EXOC5: variants seen among roughly 807,000 people sequenced by gnomAD.
EXOC5 encodes exocyst complex component 5.
EXOC5 carries 17 observed loss-of-function variants against 90.8 expected under a neutral mutation model. The ratio of observed to expected loss-of-function variants is 0.19; its 90% CI spans 0.13 to 0.28. The LOEUF (loss-of-function observed/expected upper bound fraction) is 0.28, where lower values mean the gene tolerates loss of function less well. Ranked by LOEUF, EXOC5 falls within the 10% of genes least tolerant of loss-of-function variation. The probability of loss-of-function intolerance (pLI) is 1.00; values close to 1 mark genes in which losing one functional copy is unlikely to be tolerated. For missense variants in EXOC5, 569 were observed against 830.6 expected (o/e 0.69, Z 3.87); for synonymous variants, 260 against 270.0 (o/e 0.96, Z 0.36).
At position 57,222,391 on chromosome 14, in the gene EXOC5, C is replaced by A. The variant is rs988860946; in HGVS notation, c.1322G>T (p.Arg441Met). ...AATGGTAAAAATTCTGAAGGCATTCCTTGGTAAGTCAGAAGGATCAGAGAG... is the reference window on the plus strand; with the variant it reads ...AATGGTAAAAATTCTGAAGGCATTCATTGGTAAGTCAGAAGGATCAGAGAG... ...HRLSDPSDLPRNAFRIFTILV... is the reference protein window; with the variant it reads ...HRLSDPSDLPMNAFRIFTILV... Residue 441 changes from arginine to methionine, a missense_variant, in exon 13 of 18, where the codon AGG (arginine) becomes ATG (methionine). Physicochemically the swap from Arg to Met is moderately conservative, Grantham distance 91 (BLOSUM62 -1). This residue lies in a region of EXOC5 where 56 missense variants were observed against 51.1 expected (regional missense o/e 1.10). Coordinates refer to ENST00000621441, the MANE Select transcript of EXOC5 (RefSeq NM_006544.4). The A allele has an allele frequency of 4.4e-6, 7 of 1,595,422 alleles. No individual in the cohort carries two copies. Among genetic ancestry groups the A allele is most frequent in the Admixed American group, 1.7e-5 (1 of 58,660 alleles).
intron 7 of EXOC5, among the ~76,000 whole-genome samples, 199 bp downstream of exon 7, chr14:57,235,512 G>A (rs1883630557): frequency 6.6e-6 from 1 of 151,570 alleles, no homozygotes; most frequent in Non-Finnish European, 1.5e-5. Flanking sequence ...TAATATTATT[G>A]AATATAAAAC....
intron 10 of EXOC5, 57 bp from the exon 11 acceptor site, chr14:57,231,772 TA>T (rs1883493908): frequency 8.6e-7 from 1 of 1,162,934 alleles, no homozygotes; most frequent in African/African-American, 1.5e-5. Flanking sequence ...ATAGTAACAA[TA>T]TTAAGGAATA....
intron 12 of EXOC5, among the ~76,000 whole-genome samples, chr14:57,225,942 C>T (rs1408716523): frequency 6.6e-6 from 1 of 152,170 alleles, no homozygotes; most frequent in African/African-American, 2.4e-5. Context: ...TTTGACCACC[C>T]TTTCACTGAA....
At position 57,200,957 on chromosome 14, in the gene EXOC5, T is replaced by C. The variant is rs1327813094; in HGVS notation, c.*7652A>G. On this transcript the variant is annotated 3_prime_UTR_variant, in exon 18 of 18. Coordinates refer to ENST00000621441, the MANE Select transcript of EXOC5 (RefSeq NM_006544.4). ...TCCTCCAGAGAGAGGGGAAGCCCAG[T>C]ATGGAGTATGGAAGCTCAAGTGAGG... 1 of 152,140 alleles carries C rather than the reference T, an allele frequency of 6.6e-6. No homozygotes were observed. Among genetic ancestry groups the C allele is most frequent in the Non-Finnish European group, 1.5e-5 (1 of 68,028 alleles). 9.4% of individuals were successfully genotyped at this position (152,140 alleles called of 1,614,324 possible).
In EXOC5 at chr14:57,268,618, C is replaced by T. The variant is rs758998153; in HGVS notation, c.27+4G>A. 6.3e-7 allele frequency: 1 copy of T among 1,590,612 alleles called. No homozygotes were observed. The highest frequency in any genetic ancestry group is 1.1e-5 in the South Asian group (1 of 88,332). ...CCACTCCCTGTAGAGCCGCCGGGGC[C>T]CACCTCGAAGAGCTCGGCCGTGGTA... On this transcript the variant is annotated splice_donor_region_variant and intron_variant, in intron 1 of 17. Transcript: ENST00000621441.
At chr14:57,251,701 A>T (rs1162154853) in intron 1 of EXOC5, among the ~76,000 whole-genome samples, 2 of 151,294 alleles carry the variant, frequency 1.3e-5, no homozygotes, top group Non-Finnish European at 2.9e-5. Context: ...GAAATAATAA[A>T]AACTGGAGCA....
intron 1 of EXOC5, among the ~76,000 whole-genome samples, chr14:57,258,194 TG>T (rs1884404833): frequency 1.3e-5 from 2 of 152,220 alleles, no homozygotes; most frequent in Admixed American, 6.6e-5. Flanking sequence ...ATCCCATTAC[TG>T]GGTATATACC....
chr14:57,258,525 C>T (rs757635954), intron 1 of EXOC5, among the ~76,000 whole-genome samples: 4 of 152,082 alleles, frequency 2.6e-5, no homozygotes, highest in East Asian at 1.9e-4. Context: ...GGGAGGGGAA[C>T]ATCACACACC....
At chr14:57,252,421 T>TA (rs1267379516) in intron 1 of EXOC5, among the ~76,000 whole-genome samples, 2 of 151,968 alleles carry the variant, frequency 1.3e-5, no homozygotes, top group Admixed American at 1.3e-4. Flanking sequence ...CTAAAATACA[T>TA]AAGGAACTCA....
intron 13 of EXOC5, among the ~76,000 whole-genome samples, chr14:57,222,046 C>G (rs1883155235): frequency 6.6e-6 from 1 of 152,128 alleles, no homozygotes. Context: ...TTCTAACTTA[C>G]AGCATTGTAA....
intron 6 of EXOC5, 78 bp downstream of exon 6, chr14:57,237,260 T>C: frequency 1.3e-6 from 1 of 789,390 alleles, no homozygotes; most frequent in Admixed American, 2.1e-5. Context: ...TCCTGCTTTT[T>C]CTCCTTTTGC....
intron 3 of EXOC5, among the ~76,000 whole-genome samples, chr14:57,245,827 C>A (rs868591565): frequency 1.3e-5 from 2 of 151,920 alleles, no homozygotes; most frequent in Non-Finnish European, 2.9e-5. Flanking sequence ...CCGAGGCAGG[C>A]GGATCACCTG....
In EXOC5 at chr14:57,233,801, C is replaced by T. The variant is rs1322894364; in HGVS notation, c.797G>A (p.Ser266Asn). Reference sequence around the variant, plus strand: ...TTTAGCCAGGACTGTTTCTGGATTACTGAAGATATCTCCAACTTGTTTGTT... The same window carrying T: ...TTTAGCCAGGACTGTTTCTGGATTATTGAAGATATCTCCAACTTGTTTGTT... The part of the protein sequence containing the change: ...RVNKQVGDIF[S>N]NPETVLAKLI... The change falls in exon 9 of 18, where the codon AGT (serine) becomes AAT (asparagine). Residue 266 changes from serine (S) to asparagine (N), a missense_variant. Ser to Asn is a conservative substitution (Grantham distance 46). Around this residue, in one of 9 missense-constraint regions of EXOC5, gnomAD observed 114 missense variants for 111.2 expected, o/e 1.03. Coordinates refer to ENST00000621441, the MANE Select transcript of EXOC5 (RefSeq NM_006544.4). 1.2e-6 allele frequency: 2 copies of T among 1,600,826 alleles called. No individual in the cohort carries two copies. The highest frequency in any genetic ancestry group is 1.7e-6 in the Non-Finnish European group (2 of 1,168,226).
chr14:57,247,949 T>G (rs1400676723), intron 1 of EXOC5, among the ~76,000 whole-genome samples: 2 of 152,062 alleles, frequency 1.3e-5, no homozygotes, highest in East Asian at 3.9e-4. Flanking sequence ...AATGACCAAC[T>G]GGAACAACTC....
intron 5 of EXOC5, among the ~76,000 whole-genome samples, chr14:57,238,389 C>CACAG (rs1555328847): frequency 1.4e-5 from 2 of 147,408 alleles, no homozygotes; most frequent in Non-Finnish European, 3.0e-5. Context: ...CACACACACA[C>CACAG]ACACACACAC....
Position 57,201,127 on chromosome 14 carries a change from C to T in EXOC5, c.*7482G>A, listed in dbSNP as rs951676388. 1 of 152,058 alleles carries T rather than the reference C, an allele frequency of 6.6e-6. No individual in the cohort carries two copies. The highest frequency in any genetic ancestry group is 6.6e-5 in the Admixed American group (1 of 15,252). The allele number at this position is 152,058 out of a possible 1,614,324, so 9.4% of individuals were successfully genotyped here. Reference sequence around the variant, plus strand: ...TGAGACATCTCAATAATAATAAGCACATCTCATGCACAAATCTTGATTTCT... The same window carrying T: ...TGAGACATCTCAATAATAATAAGCATATCTCATGCACAAATCTTGATTTCT... On this transcript the variant is annotated 3_prime_UTR_variant, in exon 18 of 18. Transcript: ENST00000621441.
intron 1 of EXOC5, 56 bp downstream of exon 1, chr14:57,268,566 C>G: frequency 1.2e-5 from 19 of 1,559,550 alleles, no homozygotes; most frequent in Non-Finnish European, 1.6e-5. Flanking sequence ...GGCCCGCCCA[C>G]CCAGCTGCCT....
In EXOC5 at chr14:57,222,349, C is replaced by T; in HGVS notation, c.1364G>A (p.Cys455Tyr). The change falls in exon 13 of 18, where the codon TGT becomes TAT. Residue 455 changes from cysteine (C) to tyrosine (Y), a missense_variant. Transcript: ENST00000621441. Reference sequence around the variant, plus strand: ...CAAAGCATAATCAATATGCTCAATACATAAAAATTCCACAAGAATGGTAAA... The same window carrying T: ...CAAAGCATAATCAATATGCTCAATATATAAAAATTCCACAAGAATGGTAAA... ...RIFTILVEFL[C>Y]IEHIDYALET... 2 of 1,596,580 alleles carry T rather than the reference C, an allele frequency of 1.3e-6. No individual in the cohort carries two copies. The highest frequency in any genetic ancestry group is 1.7e-6 in the Non-Finnish European group (2 of 1,168,440).
At chr14:57,235,912 A>G in intron 6 of EXOC5, 92 bp from the exon 7 acceptor site, 2 of 674,598 alleles carry the variant, frequency 3.0e-6, no homozygotes, top group Non-Finnish European at 5.3e-6. Flanking sequence ...AATGACTATG[A>G]ATATAGCTTT....
Sources: allele counts gnomAD v4.1 joint callset (sites outside exome capture counted in the v4.1 genomes callset), GRCh38; gene constraint gnomAD v4.1.1; regional missense constraint gnomAD v4.1.1; transcripts MANE v1.5; gene names NCBI Gene and HGNC (gene_info 2026-07-23, HGNC 2026-07-21).